Variants in PAX3 observed in about 807,000 individuals in gnomAD.
PAX3 encodes the protein paired box protein Pax-3.
A neutral mutation model predicts 51.6 loss-of-function variants in PAX3; 14 were observed. The ratio of observed to expected loss-of-function variants is 0.27; its 90% CI spans 0.18 to 0.42. The LOEUF (loss-of-function observed/expected upper bound fraction) is 0.42, where lower values mean the gene tolerates loss of function less well. Ranked by LOEUF, PAX3 falls within the 10% of genes least tolerant of loss-of-function variation. The probability of loss-of-function intolerance (pLI) is 1.00; values close to 1 mark genes in which losing one functional copy is unlikely to be tolerated. For synonymous variants in PAX3, 280 were observed against 253.4 expected, an observed-to-expected ratio of 1.11 and a Z score of -1.00; for missense variants, 540 against 642.8, an observed-to-expected ratio of 0.84 and a Z score of 1.73.
In PAX3 at chr2:222,201,245, T is replaced by G; in HGVS notation, c.*163A>C. The G allele has an allele frequency of 6.2e-7, 1 of 1,614,010 alleles. No individual in the cohort carries two copies. ...TTCAAAAGGATTTGAAACCAACTAT[T>G]GGAGGAAGAAAATCAATCACTCTCC... On this transcript the variant is annotated 3_prime_UTR_variant, in exon 9 of 9. Transcript: ENST00000392070.
intron 7 of PAX3, among the ~76,000 whole-genome samples, chr2:222,216,929 T>G (rs1691985035): frequency 6.6e-6 from 1 of 152,034 alleles, no homozygotes; most frequent in East Asian, 1.9e-4. Flanking sequence ...GTCAAATAGC[T>G]CCACCAGAGA....
At chr2:222,258,814 T>C (rs935516273) in intron 4 of PAX3, among the ~76,000 whole-genome samples, 5 of 152,224 alleles carry the variant, frequency 3.3e-5, no homozygotes, top group African/African-American at 1.2e-4. Context: ...ACCTTTCTAA[T>C]GTTCTAATGT....
intron 4 of PAX3, among the ~76,000 whole-genome samples, chr2:222,274,315 T>C (rs1157538633): frequency 6.6e-6 from 1 of 152,042 alleles, no homozygotes; most frequent in Non-Finnish European, 1.5e-5. Flanking sequence ...TTGATTTCAG[T>C]TCCCTTAAGG....
intron 4 of PAX3, among the ~76,000 whole-genome samples, chr2:222,271,282 C>G (rs1694244068): frequency 1.3e-5 from 2 of 152,210 alleles, no homozygotes; most frequent in Admixed American, 1.3e-4. Flanking sequence ...CCTATGGATT[C>G]TTTACCAAAA....
intron 4 of PAX3, among the ~76,000 whole-genome samples, chr2:222,267,477 A>C: frequency 6.6e-6 from 1 of 152,316 alleles, no homozygotes; most frequent in Admixed American, 6.5e-5. Context: ...TTTCAAAATT[A>C]TTGCAAAAAA....
intron 4 of PAX3, among the ~76,000 whole-genome samples, chr2:222,236,573 G>A (rs1453322142): frequency 6.6e-6 from 1 of 152,078 alleles, no homozygotes. Context: ...TAAAAACAAG[G>A]CTTTCTTTCA....
At chr2:222,219,642 TG>T (rs1362890046) in intron 7 of PAX3, among the ~76,000 whole-genome samples, 6 of 152,226 alleles carry the variant, frequency 3.9e-5, no homozygotes, top group Admixed American at 3.9e-4. Context: ...AGTCATCAGC[TG>T]GGTCTCTCTC....
At chr2:222,232,385 G>A (rs1397055706) in intron 4 of PAX3, 102 bp from the exon 5 acceptor site, 1 of 939,914 alleles carries the variant, frequency 1.1e-6, no homozygotes, top group African/African-American at 1.6e-5. Context: ...CCATTACAGT[G>A]ATCCCTATAC....
rs1480919399 is a variant in PAX3 at position 222,297,219 on chromosome 2, G to C, written c.86-6C>G. ...CTGGCCGAGGGGAGTGGACACTGTG[G>C]GAAGGTGAAAAAGAGAAGCAAGGGA... On this transcript the variant is annotated splice_polypyrimidine_tract_variant and splice_region_variant and intron_variant, in intron 1 of 8. Coordinates refer to ENST00000392070, the MANE Select transcript of PAX3 (RefSeq NM_181458.4). The C allele has an allele frequency of 4.5e-6, 7 of 1,560,320 alleles. No homozygotes were observed. The East Asian group carries it at 1.7e-4, about 37-fold the overall frequency.
chr2:222,265,526 G>C (rs901933396), intron 4 of PAX3, among the ~76,000 whole-genome samples: 1 of 152,016 alleles, frequency 6.6e-6, no homozygotes, highest in South Asian at 2.1e-4. Context: ...GGTGGTGGGC[G>C]CCTGTAGTCC....
chr2:222,293,558 G>T lies in PAX3; in HGVS notation c.586+609C>A, dbSNP rs993201055. On this transcript the variant is annotated intron_variant, in intron 4 of 8. Transcript: ENST00000392070. ...CCTTCAATTTGTAACCCAGAGCTTG[G>T]GTTCCTTTCAATTCCCAGGCACACA... 4.8e-6 allele frequency: 7 copies of T among 1,470,376 alleles called. No individual in the cohort carries two copies. In the African/African-American group the frequency reaches 8.4e-5, roughly 18 times the overall value. The allele number at this position is 1,470,376 out of a possible 1,614,324, so 91.1% of individuals were successfully genotyped here.
At chr2:222,293,945 A>G in intron 4 of PAX3, 1 of 1,530,180 alleles carries the variant, frequency 6.5e-7, no homozygotes, top group East Asian at 2.4e-5. Flanking sequence ...TAAGAAAGAA[A>G]GATTTACAAA....
intron 4 of PAX3, among the ~76,000 whole-genome samples, chr2:222,242,167 C>G (rs911921230): frequency 3.9e-5 from 6 of 152,086 alleles, no homozygotes; most frequent in African/African-American, 1.4e-4. Context: ...GTTTTTGTTA[C>G]TACAACTGAA....
intron 4 of PAX3, among the ~76,000 whole-genome samples, chr2:222,291,398 T>C (rs905160191): frequency 1.3e-5 from 2 of 151,972 alleles, no homozygotes; most frequent in South Asian, 4.2e-4. Flanking sequence ...GCGCGCCCGT[T>C]AGGGAGCGCG....
At chr2:222,284,247 A>C (rs1366785711) in intron 4 of PAX3, among the ~76,000 whole-genome samples, 4 of 152,206 alleles carry the variant, frequency 2.6e-5, no homozygotes, top group Non-Finnish European at 5.9e-5. Flanking sequence ...CTGTGCAAAA[A>C]CAATTCCCCA....
chr2:222,259,017 A>G (rs1012202835), intron 4 of PAX3, among the ~76,000 whole-genome samples: 1 of 152,228 alleles, frequency 6.6e-6, no homozygotes, highest in East Asian at 1.9e-4. Context: ...CGTCAACAAG[A>G]AGACTAGAAT....
intron 7 of PAX3, among the ~76,000 whole-genome samples, chr2:222,217,616 ATTAG>A (rs1187848929): frequency 1.1e-4 from 1 of 9,316 alleles, no homozygotes; most frequent in Non-Finnish European, 1.6e-4. Context: ...TCATAACGCT[ATTAG>A]TTATTCTCAG....
chr2:222,241,679 T>C (rs1257165773), intron 4 of PAX3, among the ~76,000 whole-genome samples: 2 of 152,270 alleles, frequency 1.3e-5, no homozygotes, highest in East Asian at 3.8e-4. Flanking sequence ...TTAACAGTTA[T>C]GTTGGGACAT....
In PAX3 at chr2:222,249,579, C is replaced by T. The variant is rs536079651; in HGVS notation, c.587-17296G>A. On this transcript the variant is annotated intron_variant, in intron 4 of 8. Transcript: ENST00000392070. ...GTTTTGCAGAGGTTTGAAGCTTTTC[C>T]GATTTGGGAAGATCCACTTTAAGAA... Among the ~76,000 whole-genome samples, 8 of 151,932 alleles carry T rather than the reference C, an allele frequency of 5.3e-5. No homozygotes were observed. The South Asian group carries it at 1.7e-3, about 33-fold the overall frequency.
Sources: allele counts gnomAD v4.1 joint callset (sites outside exome capture counted in the v4.1 genomes callset), GRCh38; gene constraint gnomAD v4.1.1; transcripts MANE v1.5; gene names NCBI Gene and HGNC (gene_info 2026-07-23, HGNC 2026-07-21).